Variants in MPHOSPH6 observed in about 807,000 individuals in gnomAD.
The protein encoded by MPHOSPH6 is M-phase phosphoprotein 6.
In MPHOSPH6, 25 loss-of-function variants were observed where a neutral mutation model predicts 21.8. The observed-to-expected ratio is 1.15, with a 90% confidence interval of 0.83 to 1.60. MPHOSPH6 has a LOEUF of 1.60. Ranked by LOEUF, MPHOSPH6 falls within the 40% of genes most tolerant of loss-of-function variation. The pLI is 0.00. For missense variants in MPHOSPH6, 269 were observed against 181.8 expected (o/e 1.48, Z -2.76); for synonymous variants, 84 against 56.5 (o/e 1.49, Z -2.18).
At chr16:82,149,467 A>C (rs1906193465) in intron 3 of MPHOSPH6, 64 bp from the exon 4 acceptor site, 4 of 1,391,452 alleles carry the variant, frequency 2.9e-6, no homozygotes, top group Non-Finnish European at 4.1e-6. Context: ...CTGATGTCAA[A>C]CTTACCTGAA....
intron 2 of MPHOSPH6, among the ~76,000 whole-genome samples, chr16:82,161,581 G>C (rs907534676): frequency 6.6e-6 from 1 of 152,208 alleles, no homozygotes; most frequent in Non-Finnish European, 1.5e-5. Flanking sequence ...ACTATATCGG[G>C]TTCCCTGGAA....
chr16:82,167,914 G>A (rs61198904), intron 1 of MPHOSPH6, among the ~76,000 whole-genome samples: 3 of 152,106 alleles, frequency 2.0e-5, no homozygotes, highest in Admixed American at 1.3e-4. Flanking sequence ...ATAGGACTTA[G>A]CTCTGGTTAA....
chr16:82,151,908 ACAGTATACAGTGACACACTACT>A (rs1348941164), intron 2 of MPHOSPH6, among the ~76,000 whole-genome samples: 1 of 152,256 alleles, frequency 6.6e-6, no homozygotes, highest in African/African-American at 2.4e-5. Flanking sequence ...AAATACACAT[ACAGTATACAGTGACACACTACT>A]CCAAATCATT....
intron 1 of MPHOSPH6, among the ~76,000 whole-genome samples, chr16:82,168,449 C>A (rs1239232938): frequency 6.7e-6 from 1 of 149,628 alleles, no homozygotes; most frequent in Non-Finnish European, 1.5e-5. Flanking sequence ...TCAAATCTTG[C>A]CCATATAATG....
intron 2 of MPHOSPH6, among the ~76,000 whole-genome samples, chr16:82,159,436 A>G (rs111302260): frequency 0.12 from 18,147 of 151,936 alleles, 1,303 homozygotes; most frequent in East Asian, 0.29. Flanking sequence ...ATGGAGTCTC[A>G]TTCTGTTGCC....
chr16:82,149,332 C>T lies in MPHOSPH6; in HGVS notation c.327G>A (p.Val109=). The T allele has an allele frequency of 1.2e-6, 2 of 1,613,360 alleles. No homozygotes were observed. The highest frequency in any genetic ancestry group is 1.7e-6 in the Non-Finnish European group (2 of 1,180,026). ...ACCTTCTAGCCATCTCTTCATCTGA[C>T]ACATCAAGCTCTACTGTTTCATCTT... The part of the protein sequence containing the change: ...EVEDETVELD[V]SDEEMARRYE... Residue 109 remains valine (V), a synonymous_variant, in exon 4 of 5, where the codon GTG becomes GTA. Transcript: ENST00000258169.
intron 1 of MPHOSPH6, among the ~76,000 whole-genome samples, chr16:82,169,535 C>A (rs991513556): frequency 6.6e-6 from 1 of 152,228 alleles, no homozygotes; most frequent in Non-Finnish European, 1.5e-5. Flanking sequence ...CTTGCATCTC[C>A]ACAGTCGTGT....
intron 2 of MPHOSPH6, among the ~76,000 whole-genome samples, chr16:82,153,723 A>G (rs575479509): frequency 6.6e-6 from 1 of 152,218 alleles, no homozygotes; most frequent in African/African-American, 2.4e-5. Context: ...GGAAAAAGTA[A>G]CTGCTGGAGA....
intron 2 of MPHOSPH6, among the ~76,000 whole-genome samples, chr16:82,154,089 T>C (rs1416030228): frequency 6.6e-6 from 1 of 152,148 alleles, no homozygotes; most frequent in Non-Finnish European, 1.5e-5. Flanking sequence ...AACCTAGATA[T>C]TATCTGGGAG....
chr16:82,155,588 T>C (rs867960623), intron 2 of MPHOSPH6, among the ~76,000 whole-genome samples: 2 of 152,154 alleles, frequency 1.3e-5, no homozygotes, highest in Admixed American at 6.5e-5. Flanking sequence ...AGATAAACAA[T>C]GCAATAAGCA....
chr16:82,150,320 C>G (rs1906224390), intron 3 of MPHOSPH6, among the ~76,000 whole-genome samples: 1 of 152,112 alleles, frequency 6.6e-6, no homozygotes, highest in Non-Finnish European at 1.5e-5. Context: ...TAATCCCTGC[C>G]TTTTTCTTCC....
chr16:82,157,814 G>C (rs1375775989), intron 2 of MPHOSPH6, among the ~76,000 whole-genome samples: 1 of 152,224 alleles, frequency 6.6e-6, no homozygotes. Context: ...GTCCCCATAA[G>C]TGGGGGCCCT....
At chr16:82,163,790 G>A (rs1260119692) in intron 2 of MPHOSPH6, 1 of 268,018 alleles carries the variant, frequency 3.7e-6, no homozygotes, top group African/African-American at 2.2e-5. Flanking sequence ...GTGATAGAGA[G>A]AACATTACAG....
intron 2 of MPHOSPH6, among the ~76,000 whole-genome samples, chr16:82,156,073 C>T (rs997689692): frequency 2.0e-5 from 3 of 152,126 alleles, no homozygotes; most frequent in African/African-American, 7.2e-5. Flanking sequence ...ACCATCTTGG[C>T]ATAGCCAATG....
chr16:82,151,568 A>C, intron 2 of MPHOSPH6, 54 bp from the exon 3 acceptor site: 1 of 1,503,514 alleles, frequency 6.7e-7, no homozygotes, highest in Non-Finnish European at 8.9e-7. Flanking sequence ...CAGCAAACAA[A>C]AGCCAACACT....
At chr16:82,155,927 G>T (rs186080344) in intron 2 of MPHOSPH6, among the ~76,000 whole-genome samples, 1 of 151,410 alleles carries the variant, frequency 6.6e-6, no homozygotes, top group Non-Finnish European at 1.5e-5. Flanking sequence ...AAAGTTAATA[G>T]GATCACAGGT....
intron 2 of MPHOSPH6, among the ~76,000 whole-genome samples, chr16:82,152,531 GT>G (rs1282772174): frequency 6.6e-6 from 1 of 152,178 alleles, no homozygotes; most frequent in Non-Finnish European, 1.5e-5. Context: ...AGAGCCAGCT[GT>G]ACTGGGCATC....
intron 2 of MPHOSPH6, among the ~76,000 whole-genome samples, chr16:82,153,624 T>C (rs11643324): frequency 0.14 from 21,451 of 152,192 alleles, 2,231 homozygotes; most frequent in East Asian, 0.34. Flanking sequence ...GGAGCTACAC[T>C]ATGGAATTCA....
At position 82,170,158 on chromosome 16, in the gene MPHOSPH6, C is replaced by A; in HGVS notation, c.18G>T (p.Lys6Asn). Residue 6 changes from lysine (K) to asparagine (N), a missense_variant, in exon 1 of 5, where the codon AAG becomes AAT. Transcript: ENST00000258169. ...GCAGTAGATTCTTGGACAACCTTGT[C>A]TTTCGCTCGGCCGCCATGGTAGCTT... MAAER[K>N]TRLSKNLLRM... 6.3e-7 allele frequency: 1 copy of A among 1,595,448 alleles called. No homozygotes were observed. The highest frequency in any genetic ancestry group is 8.5e-7 in the Non-Finnish European group (1 of 1,171,280).
Sources: allele counts gnomAD v4.1 joint callset (sites outside exome capture counted in the v4.1 genomes callset), GRCh38; gene constraint gnomAD v4.1.1; transcripts MANE v1.5; gene names NCBI Gene and HGNC (gene_info 2026-07-23, HGNC 2026-07-21).